Variants in ZWILCH observed in about 807,000 individuals in gnomAD.
The protein encoded by ZWILCH is protein zwilch homolog.
In ZWILCH, 74 loss-of-function variants were observed where a neutral mutation model predicts 79.9. That is an observed-to-expected ratio of 0.93 (90% CI 0.77 to 1.12). The LOEUF (loss-of-function observed/expected upper bound fraction) is 1.12, where lower values mean the gene tolerates loss of function less well. ZWILCH is among the 50% of genes most tolerant of loss of function. ZWILCH has a pLI of 0.00. For synonymous variants in ZWILCH, 241 were observed against 228.2 expected, an observed-to-expected ratio of 1.06 and a Z score of -0.51; for missense variants, 694 against 687.5, an observed-to-expected ratio of 1.01 and a Z score of -0.11.
At chr15:66,513,915 C>T in intron 2 of ZWILCH, 73 bp from the exon 3 acceptor site, 2 of 1,213,144 alleles carry the variant, frequency 1.6e-6, no homozygotes, top group Non-Finnish European at 2.3e-6. Context: ...TTGCATAGAA[C>T]TGGTCTTTAT....
intron 1 of ZWILCH, chr15:66,505,627 G>A: frequency 1.8e-6 from 1 of 553,768 alleles, no homozygotes; most frequent in Non-Finnish European, 3.1e-6. Flanking sequence ...AAGGTGGCAA[G>A]TGTTCCAAGA....
At chr15:66,538,534 C>G (rs1474841156) in intron 16 of ZWILCH, among the ~76,000 whole-genome samples, 1 of 152,108 alleles carries the variant, frequency 6.6e-6, no homozygotes, top group African/African-American at 2.4e-5. Context: ...AGGCGCCCAC[C>G]ACCACACCCG....
At chr15:66,509,589 T>C (rs921632712) in intron 2 of ZWILCH, among the ~76,000 whole-genome samples, 1 of 152,058 alleles carries the variant, frequency 6.6e-6, no homozygotes, top group Non-Finnish European at 1.5e-5. Context: ...TTGGGTTTTT[T>C]CCAGTTTTTG....
At chr15:66,518,712 G>A (rs1479835426) in intron 4 of ZWILCH, among the ~76,000 whole-genome samples, 167 bp from the exon 5 acceptor site, 1 of 152,192 alleles carries the variant, frequency 6.6e-6, no homozygotes, top group African/African-American at 2.4e-5. Context: ...TTGGGAGGCT[G>A]AGACAGGAGG....
chr15:66,538,624 G>A (rs888038022), intron 16 of ZWILCH, among the ~76,000 whole-genome samples: 3 of 151,976 alleles, frequency 2.0e-5, no homozygotes, highest in African/African-American at 4.8e-5. Flanking sequence ...CTGGTGATCC[G>A]ACCACCTGAG....
Position 66,528,841 on chromosome 15 carries a change from T to G in ZWILCH, c.970-11T>G, listed in dbSNP as rs764738089. On this transcript the variant is annotated splice_polypyrimidine_tract_variant and intron_variant, in intron 10 of 18. Transcript: ENST00000307897. ...AAACTGAGTATTCTCTGAAGGTTGC[T>G]TCTTTTTCAGACCTTGAAGCATGAC... 4 of 1,612,280 alleles carry G rather than the reference T, an allele frequency of 2.5e-6. No individual in the cohort carries two copies. Among genetic ancestry groups the G allele is most frequent in the Non-Finnish European group, 2.5e-6 (3 of 1,178,834 alleles).
Position 66,527,369 on chromosome 15 carries a change from A to G in ZWILCH, c.899A>G (p.Gln300Arg). The G allele has an allele frequency of 6.2e-7, 1 of 1,613,738 alleles. No homozygotes were observed. The highest frequency in any genetic ancestry group is 8.5e-7 in the Non-Finnish European group (1 of 1,179,640). Residue 300 changes from glutamine to arginine, a missense_variant, in exon 9 of 19, where the codon CAG becomes CGG. By Grantham distance (43) the Gln-to-Arg change is conservative. Transcript: ENST00000307897. ...LEAKSAVELV[Q>R]EFLNDLNKLD... Reference sequence around the variant, plus strand: ...GCAAAATCTGCTGTTGAACTTGTTCAGGAATTTCTGAATGGTGTATTACTT... The same window carrying G: ...GCAAAATCTGCTGTTGAACTTGTTCGGGAATTTCTGAATGGTGTATTACTT...
At chr15:66,509,870 T>TATATATATATAG (rs1491513134) in intron 2 of ZWILCH, among the ~76,000 whole-genome samples, 19 of 100,556 alleles carry the variant, frequency 1.9e-4, no homozygotes, top group Non-Finnish European at 3.0e-4. Flanking sequence ...TATATATATA[T>TATATATATATAG]CTCTTAAAAA....
intron 17 of ZWILCH, among the ~76,000 whole-genome samples, chr15:66,542,572 A>G (rs1895227701): frequency 6.6e-6 from 1 of 152,166 alleles, no homozygotes; most frequent in Non-Finnish European, 1.5e-5. Flanking sequence ...GTGACAGAGC[A>G]AGATTTCGTC....
intron 2 of ZWILCH, among the ~76,000 whole-genome samples, chr15:66,511,207 C>T (rs1595903135): frequency 6.6e-6 from 1 of 152,032 alleles, no homozygotes; most frequent in Non-Finnish European, 1.5e-5. Context: ...TTACCTTGGC[C>T]GAGTGTGGTG....
chr15:66,516,022 A>C (rs1039787132), intron 4 of ZWILCH, among the ~76,000 whole-genome samples: 1 of 152,214 alleles, frequency 6.6e-6, no homozygotes, highest in African/African-American at 2.4e-5. Context: ...CAAATTCCTT[A>C]AGAATGACAC....
At chr15:66,535,793 T>G in intron 14 of ZWILCH, 140 bp from the exon 15 acceptor site, 1 of 638,880 alleles carries the variant, frequency 1.6e-6, no homozygotes, top group Non-Finnish European at 2.5e-6. Flanking sequence ...AGAAATTCTA[T>G]CTAGCTTCTT....
At position 66,517,528 on chromosome 15, in the gene ZWILCH, C is replaced by G. The variant is rs1595907880; in HGVS notation, c.321-1351C>G. Among the ~76,000 whole-genome samples, 11 of 144,380 alleles carry G rather than the reference C, an allele frequency of 7.6e-5. No homozygotes were observed. The South Asian group carries it at 2.4e-3, about 32-fold the overall frequency. 94.7% of individuals were successfully genotyped at this position (144,380 alleles called of 152,430 possible). A position where few individuals can be genotyped will look rare whatever the true frequency, so the allele number is the denominator to read the frequency against. On this transcript the variant is annotated intron_variant, in intron 4 of 18. Transcript: ENST00000307897. ...TAGTGAAGATCTGGCACTCTTTTAC[C>G]CCTAAATGCTCCACTGTGTATTCTC...
intron 18 of ZWILCH, chr15:66,547,190 CTTTTTTTTTTTTTTTTTTTT>C (rs1160984622): frequency 6.2e-5 from 5 of 80,342 alleles, no homozygotes; most frequent in African/African-American, 2.4e-4. Context: ...ATGACATTTT[CTTTTTTTTTTTTTTTTTTTT>C]TTTTTGAGAC....
At chr15:66,511,861 T>C (rs142944170) in intron 2 of ZWILCH, among the ~76,000 whole-genome samples, 1,969 of 152,208 alleles carry the variant, frequency 0.013, 34 homozygotes, top group African/African-American at 0.045. Flanking sequence ...GTGATCCGTC[T>C]GCCTCGGCCT....
chr15:66,519,141 G>A, intron 5 of ZWILCH, 63 bp downstream of exon 5: 1 of 1,525,940 alleles, frequency 6.6e-7, no homozygotes, highest in Non-Finnish European at 9.0e-7. Context: ...ATTGTTTCAT[G>A]TTTTTTTACG....
intron 3 of ZWILCH, among the ~76,000 whole-genome samples, chr15:66,514,744 G>A (rs961431786): frequency 4.6e-5 from 7 of 152,160 alleles, no homozygotes; most frequent in Admixed American, 4.6e-4. Flanking sequence ...GCAAGGCTGA[G>A]CTATTTAACT....
At chr15:66,534,832 C>T (rs1894960999) in intron 14 of ZWILCH, among the ~76,000 whole-genome samples, 1 of 152,068 alleles carries the variant, frequency 6.6e-6, no homozygotes, top group Admixed American at 6.6e-5. Context: ...ACACTGTATA[C>T]TTAGGCTACA....
At position 66,510,790 on chromosome 15, in the gene ZWILCH, G is replaced by A. The variant is rs897470091; in HGVS notation, c.105+1898G>A. 4.6e-5 allele frequency among the ~76,000 whole-genome samples: 7 copies of A among 152,238 alleles called. No individual in the cohort carries two copies. In the South Asian group the frequency reaches 1.2e-3, roughly 27 times the overall value. The stretch of plus-strand genomic sequence containing the variant: ...ATGGTTTCCAGCAATCTTTGGTATT[G>A]CTTGGCTTGTAAACACATCACTCAA... On this transcript the variant is annotated intron_variant, in intron 2 of 18. Transcript: ENST00000307897.
Sources: gnomAD v4.1 joint callset for allele counts (sites outside exome capture counted in the v4.1 genomes callset) on GRCh38, gnomAD v4.1.1 for gene constraint, MANE v1.5 for transcripts, NCBI Gene and HGNC (gene_info 2026-07-23, HGNC 2026-07-21) for gene names.